Variants in SH3GLB1 observed in about 807,000 individuals in gnomAD.
SH3GLB1 encodes the protein endophilin-B1.
In SH3GLB1, 17 loss-of-function variants were observed where a neutral mutation model predicts 42.0. The ratio of observed to expected loss-of-function variants is 0.40; its 90% confidence interval spans 0.28 to 0.61. The LOEUF is 0.61. SH3GLB1 is among the 20% of genes least tolerant of loss of function. The pLI is 0.36. For missense variants in SH3GLB1, 355 were observed against 426.3 expected (o/e 0.83, Z 1.47); for synonymous variants, 132 against 146.6 (o/e 0.90, Z 0.72).
intron 1 of SH3GLB1, among the ~76,000 whole-genome samples, chr1:86,713,665 T>A (rs1311807921): frequency 6.6e-6 from 1 of 152,146 alleles, no homozygotes; most frequent in African/African-American, 2.4e-5. Flanking sequence ...CTCAAACTCC[T>A]GCTCCCCTTT....
chr1:86,735,901 G>A (rs1444934178), intron 7 of SH3GLB1, among the ~76,000 whole-genome samples: 2 of 152,220 alleles, frequency 1.3e-5, no homozygotes, highest in Admixed American at 1.3e-4. Flanking sequence ...CATGTGGTAG[G>A]CAGAAAAGCA....
intron 7 of SH3GLB1, 63 bp from the exon 8 acceptor site, chr1:86,742,145 G>A: frequency 8.4e-7 from 1 of 1,193,278 alleles, no homozygotes; most frequent in Non-Finnish European, 1.2e-6. Flanking sequence ...GCGCCACCGA[G>A]TGGTGGTATT....
intron 1 of SH3GLB1, among the ~76,000 whole-genome samples, chr1:86,708,534 C>G (rs1451813274): frequency 1.3e-5 from 2 of 152,188 alleles, no homozygotes; most frequent in African/African-American, 4.8e-5. Flanking sequence ...TGCGTCCCAT[C>G]ACCACTCCAC....
At chr1:86,722,048 T>A (rs1481378872) in intron 3 of SH3GLB1, among the ~76,000 whole-genome samples, 1 of 141,622 alleles carries the variant, frequency 7.1e-6, no homozygotes, top group Non-Finnish European at 1.5e-5. Flanking sequence ...TGACAGGCCC[T>A]GCTGTGTTGC....
chr1:86,720,710 G>C (rs903068672), intron 3 of SH3GLB1, among the ~76,000 whole-genome samples: 8 of 152,138 alleles, frequency 5.3e-5, no homozygotes, highest in African/African-American at 1.7e-4. Flanking sequence ...ACATAGTTCT[G>C]ATTTACAGAA....
At chr1:86,727,470 A>G (rs779930007) in intron 5 of SH3GLB1, among the ~76,000 whole-genome samples, 24 of 152,028 alleles carry the variant, frequency 1.6e-4, no homozygotes, top group Non-Finnish European at 3.4e-4. Context: ...GCTTTAAAAT[A>G]TGAAGTTCTT....
intron 3 of SH3GLB1, among the ~76,000 whole-genome samples, chr1:86,720,200 C>G (rs1654792037): frequency 6.6e-6 from 1 of 151,890 alleles, no homozygotes; most frequent in Admixed American, 6.6e-5. Context: ...ACTTGTTCTC[C>G]CAGTGATCTT....
At chr1:86,724,220 A>G (rs1458614209) in intron 4 of SH3GLB1, 93 bp from the exon 5 acceptor site, 3 of 835,700 alleles carry the variant, frequency 3.6e-6, no homozygotes, top group Non-Finnish European at 3.6e-6. Flanking sequence ...CAAGTGATAC[A>G]TATGTTTACT....
At chr1:86,736,825 A>G (rs1442982523) in intron 7 of SH3GLB1, among the ~76,000 whole-genome samples, 1 of 152,236 alleles carries the variant, frequency 6.6e-6, no homozygotes, top group Non-Finnish European at 1.5e-5. Context: ...AGGAAGTTTT[A>G]TCTCTTTAAT....
chr1:86,707,405 T>TA (rs1284164787), intron 1 of SH3GLB1, among the ~76,000 whole-genome samples: 1 of 152,154 alleles, frequency 6.6e-6, no homozygotes, highest in Non-Finnish European at 1.5e-5. Flanking sequence ...GATTGTAACT[T>TA]AGATTACAGT....
rs112687194 is a variant in SH3GLB1, at chr1:86,722,605, C to G, written c.409C>G (p.Gln137Glu). The change falls in exon 4 of 9, where the codon CAA becomes GAA. Residue 137 changes from glutamine (Q) to glutamate (E), a missense_variant. Physicochemically the swap from Gln to Glu is conservative, Grantham distance 29. Coordinates refer to ENST00000370558, the MANE Select transcript of SH3GLB1 (RefSeq NM_016009.5). Reference sequence around the variant, plus strand: ...TGGAACAGCAGACAGAGAACTGATTCAAACGTCAGCCTTAAATTTTCTTAC... The same window carrying G: ...TGGAACAGCAGACAGAGAACTGATTGAAACGTCAGCCTTAAATTTTCTTAC... ...RIGTADRELI[Q>E]TSALNFLTPL... The G allele has an allele frequency of 1.2e-6, 2 of 1,609,892 alleles. No individual in the cohort carries two copies. Among genetic ancestry groups the G allele is most frequent in the Admixed American group, 3.4e-5 (2 of 59,570 alleles).
At chr1:86,742,521 G>T (rs1228024523) in intron 8 of SH3GLB1, 85 bp downstream of exon 8, 8 of 956,236 alleles carry the variant, frequency 8.4e-6, no homozygotes, top group African/African-American at 1.6e-5. Flanking sequence ...TTCCTCATTA[G>T]TTATTTGGAA....
At position 86,716,178 on chromosome 1, in the gene SH3GLB1, T is replaced by C. The variant is rs573150554; in HGVS notation, c.214+313T>C. On this transcript the variant is annotated intron_variant, in intron 2 of 8. Coordinates refer to ENST00000370558, the MANE Select transcript of SH3GLB1 (RefSeq NM_016009.5). ...TTTTCCTTTTTCATCTAGGGAAGAA[T>C]TGTCCCTAGATAATTAAGACAAAGT... Among the ~76,000 whole-genome samples, 48 of 152,378 alleles carry C rather than the reference T, an allele frequency of 3.2e-4. 1 individual carries two copies. The South Asian group carries it at 8.7e-3, about 28-fold the overall frequency.
intron 1 of SH3GLB1, among the ~76,000 whole-genome samples, chr1:86,708,389 C>T (rs530736829): frequency 2.0e-5 from 3 of 152,182 alleles, no homozygotes; most frequent in East Asian, 1.9e-4. Flanking sequence ...CAAATTGTAC[C>T]GTAAGGAATA....
At position 86,742,958 on chromosome 1, in the gene SH3GLB1, C is replaced by A. The variant is rs376404572; in HGVS notation, c.991-170C>A. Among the ~76,000 whole-genome samples, 8 of 152,184 alleles carry A rather than the reference C, an allele frequency of 5.3e-5. No homozygotes were observed. In the East Asian group the frequency reaches 1.3e-3, roughly 26 times the overall value. On this transcript the variant is annotated intron_variant, in intron 8 of 8. Coordinates refer to ENST00000370558, the MANE Select transcript of SH3GLB1 (RefSeq NM_016009.5). ...CCTGGGCAACAGAGTGAGACCCTGC[C>A]TCAAAAAACTAATAATAATAAATAA...
In SH3GLB1 at chr1:86,719,513, G is replaced by A. The variant is rs1208187006; in HGVS notation, c.221G>A (p.Arg74Lys). The change falls in exon 3 of 9, where the codon AGG (arginine) becomes AAG (lysine). Residue 74 changes from arginine (R) to lysine (K), a missense_variant. By Grantham distance (26) the Arg-to-Lys change is conservative (BLOSUM62 2). Transcript: ENST00000370558. Reference protein sequence around the residue: ...EVLLQPNPNARIEEFVYEKLD... With the variant: ...EVLLQPNPNAKIEEFVYEKLD... ...ATTTTAACCTTTCTCCTAGATGCCA[G>A]GATAGAAGAATTTGTTTATGAGAAA... The A allele has an allele frequency of 1.2e-6, 2 of 1,609,112 alleles. No homozygotes were observed. The highest frequency in any genetic ancestry group is 4.5e-5 in the East Asian group (2 of 44,492).
Position 86,704,799 on chromosome 1 carries a change from C to CA in SH3GLB1, c.-100dup. 1 of 639,498 alleles carries CA rather than the reference C, an allele frequency of 1.6e-6. No individual in the cohort carries two copies. The highest frequency in any genetic ancestry group is 2.1e-5 in the South Asian group (1 of 47,362). The allele number at this position is 639,498 out of a possible 1,614,324, so 39.6% of individuals were successfully genotyped here. A position where few individuals can be genotyped will look rare whatever the true frequency, so the allele number is the denominator to read the frequency against. ...GCTGGCGCCGCCTCCCTCCACCTAC[C>CA]ACGTCTGCCCTCGCCGCTCTAGCCC... On this transcript the variant is annotated 5_prime_UTR_variant, in exon 1 of 9. Transcript: ENST00000370558.
chr1:86,722,242 C>G (rs929164661), intron 3 of SH3GLB1, among the ~76,000 whole-genome samples: 1 of 151,456 alleles, frequency 6.6e-6, no homozygotes, highest in Non-Finnish European at 1.5e-5. Flanking sequence ...TACAGAGGGC[C>G]GACTGTGACC....
rs774920332 is a variant in SH3GLB1 at position 86,719,574 on chromosome 1, A to T, written c.282A>T (p.Pro94=). Residue 94 remains proline, a synonymous_variant, in exon 3 of 9, where the codon CCA becomes CCT. Transcript: ENST00000370558. ...DRKAPSRINN[P]ELLGQYMIDA... is the part of the protein sequence containing the mutation. ...AAGCTCCAAGTCGTATAAACAACCC[A>T]GAACTTTTGGGACAATATATGATTG... 6.2e-7 allele frequency: 1 copy of T among 1,611,716 alleles called. No homozygotes were observed. The highest frequency in any genetic ancestry group is 8.5e-7 in the Non-Finnish European group (1 of 1,178,798).
Sources: gnomAD v4.1 joint callset for allele counts (sites outside exome capture counted in the v4.1 genomes callset) on GRCh38, gnomAD v4.1.1 for gene constraint, MANE v1.5 for transcripts, NCBI Gene and HGNC (gene_info 2026-07-23, HGNC 2026-07-21) for gene names.